The following CXXC4 variants were observed in gnomAD, a reference collection of about 807,000 sequenced individuals.
CXXC4 encodes the protein CXXC finger protein 4, also known as CXXC-type zinc finger protein 4.
Under a neutral mutation model 20.5 loss-of-function variants are expected in CXXC4, and 5 were observed. That is an observed-to-expected ratio of 0.24 (90% CI 0.13 to 0.51). CXXC4 has a LOEUF of 0.51. Among genes scored for constraint, CXXC4 ranks in the 20% least tolerant of loss-of-function variants. The pLI is 0.97. For synonymous variants in CXXC4, 250 were observed against 216.4 expected, an observed-to-expected ratio of 1.16 and a Z score of -1.36; for missense variants, 419 against 496.4, an observed-to-expected ratio of 0.84 and a Z score of 1.48.
In CXXC4 at chr4:104,484,919, G is replaced by A. The variant is rs1736644322; in HGVS notation, c.1059+5825C>T. Reference sequence around the variant, plus strand: ...GTGATGGAACAAGATATGACTCAAGGATAAAATCACCCTTATGCCCCTCCC... The same window carrying A: ...GTGATGGAACAAGATATGACTCAAGAATAAAATCACCCTTATGCCCCTCCC... On this transcript the variant is annotated intron_variant, in intron 2 of 2. Transcript: ENST00000394767. Among the ~76,000 whole-genome samples, 2 of 151,884 alleles carry A rather than the reference G, an allele frequency of 1.3e-5. 1 individual carries two copies. The highest frequency in any genetic ancestry group is 4.1e-4 in the South Asian group (2 of 4,822).
rs1736882321 is a variant in CXXC4 at position 104,491,636 on chromosome 4, G to A, written c.167C>T (p.Ala56Val). 6 of 1,542,706 alleles carry A rather than the reference G, an allele frequency of 3.9e-6. No individual in the cohort carries two copies. The highest frequency in any genetic ancestry group is 1.2e-5 in the South Asian group (1 of 83,292). ...CGCGATCTTGGCCGCCTGTGGGAAG[G>A]CGCCCCCGTTGGTCTTGTAGAAGGA... ...ATSFYKTNGG[A>V]FPQAAKIARI... The change falls in exon 2 of 3, where the codon GCC (alanine) becomes GTC (valine). Residue 56 changes from alanine (A) to valine (V), a missense_variant. By Grantham distance (64) the Ala-to-Val change is moderately conservative (BLOSUM62 0). Coordinates refer to ENST00000394767, the MANE Select transcript of CXXC4 (RefSeq NM_025212.4).
In CXXC4 at chr4:104,490,977, T is replaced by C; in HGVS notation, c.826A>G (p.Asn276Asp). 6.2e-7 allele frequency: 1 copy of C among 1,613,864 alleles called. No individual in the cohort carries two copies. Among genetic ancestry groups the C allele is most frequent in the Non-Finnish European group, 8.5e-7 (1 of 1,179,956 alleles). Residue 276 changes from asparagine (N) to aspartate (D), a missense_variant, in exon 2 of 3, where the codon AAT becomes GAT. Coordinates refer to ENST00000394767, the MANE Select transcript of CXXC4 (RefSeq NM_025212.4). ...TGATTCTGCGGGCAGTCTGCCAGATTGGCAATTTGAAACGCACTGTCTGTG... is the reference window on the plus strand; with the variant it reads ...TGATTCTGCGGGCAGTCTGCCAGATCGGCAATTTGAAACGCACTGTCTGTG... ...AVTDSAFQIA[N>D]LADCPQNHSS...
rs1023097060 is a variant in CXXC4 at position 104,469,471 on chromosome 4, T to G, written c.*2851A>C. On this transcript the variant is annotated 3_prime_UTR_variant, in exon 3 of 3. Coordinates refer to ENST00000394767, the MANE Select transcript of CXXC4 (RefSeq NM_025212.4). ...TGTATAGCTGTCCACACAATCTACA[T>G]TCTGAATTTTCTTGACAGTGAATAT... 6.6e-6 allele frequency: 1 copy of G among 152,086 alleles called. No homozygotes were observed. The highest frequency in any genetic ancestry group is 2.4e-5 in the African/African-American group (1 of 41,446). 9.4% of individuals were successfully genotyped at this position (152,086 alleles called of 1,614,324 possible).
intron 2 of CXXC4, among the ~76,000 whole-genome samples, chr4:104,477,727 A>G (rs1736451326): frequency 6.6e-6 from 1 of 151,998 alleles, no homozygotes; most frequent in African/African-American, 2.4e-5. Flanking sequence ...AATAATATCT[A>G]AATTTAAAAA....
intron 2 of CXXC4, among the ~76,000 whole-genome samples, chr4:104,486,467 A>G (rs1031196601): frequency 1.4e-4 from 21 of 151,954 alleles, no homozygotes; most frequent in African/African-American, 4.8e-4. Flanking sequence ...TTTTTCCTAC[A>G]TTATTTATAT....
intron 2 of CXXC4, among the ~76,000 whole-genome samples, chr4:104,488,530 C>G (rs113906100): frequency 0.015 from 2,242 of 152,292 alleles, 35 homozygotes; most frequent in South Asian, 0.029. Context: ...TGAAACACAG[C>G]CCATGCTCTG....
At chr4:104,474,594 T>G (rs564394090) in intron 2 of CXXC4, among the ~76,000 whole-genome samples, 1 of 152,112 alleles carries the variant, frequency 6.6e-6, no homozygotes, top group South Asian at 2.1e-4. Context: ...ATAAGTTAGA[T>G]CCAAGCATAT....
In CXXC4 at chr4:104,490,729, A is replaced by G. The variant is rs756859939; in HGVS notation, c.1059+15T>C. 2 of 1,589,520 alleles carry G rather than the reference A, an allele frequency of 1.3e-6. No homozygotes were observed. The highest frequency in any genetic ancestry group is 1.7e-6 in the Non-Finnish European group (2 of 1,166,138). On this transcript the variant is annotated intron_variant, in intron 2 of 2. Coordinates refer to ENST00000394767, the MANE Select transcript of CXXC4 (RefSeq NM_025212.4). ...AAGGGGGGAGACTGGGAAACAAGAA[A>G]TCATCTCCTCTGACCTCTAGTGAAG...
At chr4:104,479,076 T>C (rs1736491547) in intron 2 of CXXC4, among the ~76,000 whole-genome samples, 1 of 152,078 alleles carries the variant, frequency 6.6e-6, no homozygotes. Flanking sequence ...CAGCATAGCA[T>C]TAGGTGAGTT....
intron 2 of CXXC4, among the ~76,000 whole-genome samples, chr4:104,484,900 G>A (rs1394943473): frequency 6.6e-6 from 1 of 151,858 alleles, no homozygotes; most frequent in Admixed American, 6.6e-5. Flanking sequence ...GCATGTGATG[G>A]AACAAGATAT....
At chr4:104,479,690 T>C (rs1038151973) in intron 2 of CXXC4, among the ~76,000 whole-genome samples, 1 of 152,096 alleles carries the variant, frequency 6.6e-6, no homozygotes, top group Non-Finnish European at 1.5e-5. Flanking sequence ...AAAACTATAG[T>C]TCTAATAATA....
chr4:104,488,816 G>C (rs1281246859), intron 2 of CXXC4, among the ~76,000 whole-genome samples: 2 of 152,292 alleles, frequency 1.3e-5, no homozygotes, highest in South Asian at 2.1e-4. Flanking sequence ...TCAAACCCCT[G>C]CAGGGTAATT....
At chr4:104,482,591 A>G (rs1736583929) in intron 2 of CXXC4, among the ~76,000 whole-genome samples, 1 of 152,138 alleles carries the variant, frequency 6.6e-6, no homozygotes, top group African/African-American at 2.4e-5. Flanking sequence ...CCAATAGAGA[A>G]GTTATTCCCA....
chr4:104,493,795 G>A (rs1324841747), intron 1 of CXXC4, among the ~76,000 whole-genome samples: 1 of 152,166 alleles, frequency 6.6e-6, no homozygotes, highest in African/African-American at 2.4e-5. Context: ...GCAAGAATAT[G>A]CATATAGCTT....
rs1249115462 is a variant in CXXC4 at position 104,473,267 on chromosome 4, A to AAT, written c.1060-903_1060-902dup. On this transcript the variant is annotated intron_variant, in intron 2 of 2. Transcript: ENST00000394767. ...TCAAAGTGAGTTTGTATTTTCAACA[A>AAT]ATATATATATAAAGTAAATTGATTA... Among the ~76,000 whole-genome samples, 5 of 151,936 alleles carry AAT rather than the reference A, an allele frequency of 3.3e-5. No homozygotes were observed. In the South Asian group the frequency reaches 8.3e-4, roughly 25 times the overall value.
At chr4:104,477,996 G>A (rs1028583041) in intron 2 of CXXC4, among the ~76,000 whole-genome samples, 1 of 152,078 alleles carries the variant, frequency 6.6e-6, no homozygotes, top group Non-Finnish European at 1.5e-5. Context: ...TATTTAAAAA[G>A]GGGAAAGCAC....
At chr4:104,479,471 G>C (rs375785986) in intron 2 of CXXC4, among the ~76,000 whole-genome samples, 1 of 152,056 alleles carries the variant, frequency 6.6e-6, no homozygotes, top group Non-Finnish European at 1.5e-5. Context: ...AAAATTTCCT[G>C]TTAGGCTAAG....
chr4:104,491,326 GCCGCCA>G lies in CXXC4; in HGVS notation c.471_476del (p.Gly164_Gly165del), dbSNP rs1308489737. On this transcript the variant is annotated inframe_deletion, in exon 2 of 3. Transcript: ENST00000394767. ...TCCTGCTGCCGCCGCCGCCGCCGCC[GCCGCCA>G]CCGCCGGCGGGGAGGATCGCCGAGG... is the stretch of plus-strand genomic sequence containing the variant. 2 of 1,554,844 alleles carry G rather than the reference GCCGCCA, an allele frequency of 1.3e-6. No homozygotes were observed. Among genetic ancestry groups the G allele is most frequent in the African/African-American group, 1.4e-5 (1 of 70,928 alleles).
At chr4:104,488,654 A>T (rs548528241) in intron 2 of CXXC4, among the ~76,000 whole-genome samples, 63 of 152,274 alleles carry the variant, frequency 4.1e-4, no homozygotes, top group South Asian at 1.9e-3. Context: ...GTGCATGAGA[A>T]TTTTTTAAAA....
Sources: allele counts gnomAD v4.1 joint callset (sites outside exome capture counted in the v4.1 genomes callset), GRCh38; gene constraint gnomAD v4.1.1; transcripts MANE v1.5; gene names NCBI Gene and HGNC (gene_info 2026-07-23, HGNC 2026-07-21).